The following KCNU1 variants were observed in gnomAD, a reference collection of about 807,000 sequenced individuals.
KCNU1 encodes the protein potassium channel subfamily U member 1.
In KCNU1, 93 loss-of-function variants were observed where a neutral mutation model predicts 126.8. The observed-to-expected ratio is 0.73, with a 90% CI of 0.62 to 0.87. The LOEUF (loss-of-function observed/expected upper bound fraction) is 0.87, where lower values mean the gene tolerates loss of function less well. Ranked by LOEUF, KCNU1 falls within the 40% of genes least tolerant of loss-of-function variation. The pLI, the probability that KCNU1 is intolerant of heterozygous loss-of-function variation, is 0.00. For synonymous variants in KCNU1, 523 were observed against 494.2 expected (o/e 1.06, Z -0.77); for missense variants, 1,330 against 1,367.1 (o/e 0.97, Z 0.43).
intron 1 of KCNU1, among the ~76,000 whole-genome samples, chr8:36,786,683 T>C (rs1314248589): frequency 6.6e-6 from 1 of 152,178 alleles, no homozygotes; most frequent in Non-Finnish European, 1.5e-5. Flanking sequence ...AGTCATTTAA[T>C]TTCTCTATAC....
intron 18 of KCNU1, among the ~76,000 whole-genome samples, chr8:36,850,034 G>A (rs973091230): frequency 6.6e-6 from 1 of 152,026 alleles, no homozygotes; most frequent in African/African-American, 2.4e-5. Flanking sequence ...TTGTAAAGTG[G>A]TATCTCATTA....
At chr8:36,926,764 C>G (rs991978202) in intron 24 of KCNU1, among the ~76,000 whole-genome samples, 1 of 152,088 alleles carries the variant, frequency 6.6e-6, no homozygotes, top group Non-Finnish European at 1.5e-5. Flanking sequence ...GCTTAATGCA[C>G]TGAGAGATCT....
Position 36,840,699 on chromosome 8 carries a change from G to T in KCNU1, c.1631+124G>T, listed in dbSNP as rs183636499. 842 of 706,746 alleles carry T rather than the reference G, an allele frequency of 1.2e-3. 4 individuals are homozygous for T. Among genetic ancestry groups the T allele is most frequent in the African/African-American group, 8.0e-3 (447 of 56,042 alleles). The allele number at this position is 706,746 out of a possible 1,614,324, so 43.8% of individuals were successfully genotyped here. A position where few individuals can be genotyped will look rare whatever the true frequency, so the allele number is the denominator to read the frequency against. On this transcript the variant is annotated intron_variant, in intron 15 of 26. Transcript: ENST00000399881. Reference sequence around the variant, plus strand: ...GAAGATCTAAGAAGGGACAGCCCAGGGTCCCTGAAACTTAGAAGTTTACAG... The same window carrying T: ...GAAGATCTAAGAAGGGACAGCCCAGTGTCCCTGAAACTTAGAAGTTTACAG...
intron 18 of KCNU1, among the ~76,000 whole-genome samples, chr8:36,847,211 A>AT (rs557847602): frequency 1.3e-5 from 2 of 151,786 alleles, no homozygotes; most frequent in African/African-American, 4.8e-5. Flanking sequence ...TCCTTTTTAA[A>AT]TTTTTTTTCT....
At chr8:36,841,106 TAAGC>T in intron 16 of KCNU1, 103 bp downstream of exon 16, 1 of 782,738 alleles carries the variant, frequency 1.3e-6, no homozygotes, top group Non-Finnish European at 2.1e-6. Flanking sequence ...CAGCTATAAC[TAAGC>T]TTTTTCCCTT....
chr8:36,900,849 G>A (rs1807389118), intron 19 of KCNU1, among the ~76,000 whole-genome samples: 1 of 152,036 alleles, frequency 6.6e-6, no homozygotes, highest in Non-Finnish European at 1.5e-5. Context: ...CAAACTGCTG[G>A]ACACACAAAT....
chr8:36,858,494 A>G (rs1270443059), intron 18 of KCNU1, among the ~76,000 whole-genome samples: 2 of 152,168 alleles, frequency 1.3e-5, no homozygotes, highest in Non-Finnish European at 2.9e-5. Context: ...TATACATGTC[A>G]TCCTATTGTA....
intron 18 of KCNU1, among the ~76,000 whole-genome samples, chr8:36,854,965 A>G (rs1220277936): frequency 6.6e-6 from 1 of 152,142 alleles, no homozygotes; most frequent in Non-Finnish European, 1.5e-5. Context: ...TTTTTGTTAA[A>G]CACCTGGAAC....
chr8:36,814,092 T>A, intron 7 of KCNU1, 115 bp from the exon 8 acceptor site: 1 of 724,942 alleles, frequency 1.4e-6, no homozygotes, highest in South Asian at 1.9e-5. Context: ...TGAAAGCCAT[T>A]TGGTATTTCA....
At chr8:36,832,563 A>G (rs1242754290) in intron 10 of KCNU1, among the ~76,000 whole-genome samples, 2 of 151,854 alleles carry the variant, frequency 1.3e-5, no homozygotes, top group African/African-American at 4.8e-5. Context: ...CTCTACTTTG[A>G]CTATATGTAT....
chr8:36,922,092 A>C (rs1426491820), intron 23 of KCNU1, among the ~76,000 whole-genome samples: 1 of 152,228 alleles, frequency 6.6e-6, no homozygotes, highest in African/African-American at 2.4e-5. Flanking sequence ...TGAGAAATAA[A>C]AGACTTTAAC....
chr8:36,915,466 A>G (rs1032040240), intron 22 of KCNU1, among the ~76,000 whole-genome samples: 2 of 152,236 alleles, frequency 1.3e-5, no homozygotes, highest in Admixed American at 6.5e-5. Context: ...TAACAATTAT[A>G]TAATTCTTAT....
At position 36,935,852 on chromosome 8, in the gene KCNU1, G is replaced by T. The variant is rs1367858945; in HGVS notation, c.3382G>T (p.Glu1128Ter). 2 of 1,611,692 alleles carry T rather than the reference G, an allele frequency of 1.2e-6. No homozygotes were observed. The highest frequency in any genetic ancestry group is 1.7e-6 in the Non-Finnish European group (2 of 1,179,062). ...GATACCTTTAGGTGACAATGCAAAA[G>T]AAAATGAAAGGAAAACTTCAGATGA... Reference protein sequence around the residue: ...SQIPLGDNAKENERKTSDEVY... With the variant: ...SQIPLGDNAK Residue 1128 changes from glutamate (E) to a stop codon, truncating the protein, a stop_gained, in exon 27 of 27, where the codon GAA (glutamate) becomes TAA (stop). Transcript: ENST00000399881. LOFTEE classifies it low-confidence loss of function (END_TRUNC).
At chr8:36,829,397 T>C (rs16885469) in intron 10 of KCNU1, among the ~76,000 whole-genome samples, 2,233 of 151,902 alleles carry the variant, frequency 0.015, 54 homozygotes, top group African/African-American at 0.049. Flanking sequence ...TAATTTTAAA[T>C]TTTTTTCGTC....
Position 36,840,569 on chromosome 8 carries a change from T to C in KCNU1, c.1625T>C (p.Val542Ala), listed in dbSNP as rs1477023377. 6.3e-7 allele frequency: 1 copy of C among 1,596,874 alleles called. No homozygotes were observed. The highest frequency in any genetic ancestry group is 1.1e-5 in the South Asian group (1 of 90,374). ...DDFAGMSFPE[V>A]ARLCFLKMHL... is the part of the protein sequence containing the mutation. The stretch of plus-strand genomic sequence containing the variant: ...TTTGCTGGAATGAGCTTTCCTGAAG[T>C]TGCCCGGTAAGTGAAGTGAAATACT... Residue 542 changes from valine to alanine, a missense_variant, in exon 15 of 27, where the codon GTT (valine) becomes GCT (alanine). Transcript: ENST00000399881.
chr8:36,885,042 G>A (rs1429339730), intron 19 of KCNU1, among the ~76,000 whole-genome samples: 1 of 152,214 alleles, frequency 6.6e-6, no homozygotes, highest in Non-Finnish European at 1.5e-5. Flanking sequence ...ACTGGGGGAA[G>A]CACTGAAGCT....
intron 19 of KCNU1, chr8:36,889,234 T>C (rs1806855121): frequency 1.9e-6 from 1 of 534,408 alleles, no homozygotes; most frequent in Non-Finnish European, 3.8e-6. Flanking sequence ...GTTGCTCTGC[T>C]GAACTACCGT....
At chr8:36,934,361 C>A (rs776479693) in intron 26 of KCNU1, among the ~76,000 whole-genome samples, 7 of 151,938 alleles carry the variant, frequency 4.6e-5, no homozygotes, top group Admixed American at 3.9e-4. Flanking sequence ...GGTCTACAGA[C>A]GACTCTGATG....
intron 19 of KCNU1, among the ~76,000 whole-genome samples, chr8:36,897,772 G>A (rs1367452463): frequency 6.6e-6 from 1 of 152,020 alleles, no homozygotes; most frequent in Admixed American, 6.6e-5. Context: ...ACATCTTCTT[G>A]TTAAAGAACA....
Sources: gnomAD v4.1 joint callset for allele counts (sites outside exome capture counted in the v4.1 genomes callset) on GRCh38, gnomAD v4.1.1 for gene constraint, MANE v1.5 for transcripts, NCBI Gene and HGNC (gene_info 2026-07-23, HGNC 2026-07-21) for gene names.